Variants in PPFIA2 observed in about 807,000 individuals in gnomAD.
PPFIA2 encodes liprin-alpha-2.
A neutral mutation model predicts 175.5 loss-of-function variants in PPFIA2; 46 were observed. The observed-to-expected ratio is 0.26, with a 90% CI of 0.21 to 0.34. The LOEUF is 0.34. Among genes scored for constraint, PPFIA2 ranks in the 10% least tolerant of loss-of-function variants. The probability of loss-of-function intolerance (pLI) is 1.00; values close to 1 mark genes in which losing one functional copy is unlikely to be tolerated. For synonymous variants in PPFIA2, 568 were observed against 511.4 expected (o/e 1.11, Z -1.49); for missense variants, 1,179 against 1,506.1 (o/e 0.78, Z 3.60).
intron 4 of PPFIA2, among the ~76,000 whole-genome samples, chr12:81,518,603 T>C (rs995845349): frequency 6.6e-6 from 1 of 152,174 alleles, no homozygotes; most frequent in Non-Finnish European, 1.5e-5. Context: ...CAACCCATCA[T>C]GGTAAGCACT....
At chr12:81,741,235 C>A (rs1296369959) in intron 3 of PPFIA2, among the ~76,000 whole-genome samples, 1 of 152,198 alleles carries the variant, frequency 6.6e-6, no homozygotes, top group Non-Finnish European at 1.5e-5. Context: ...AGCATTAATG[C>A]TGGTCTCATA....
intron 23 of PPFIA2, chr12:81,298,007 C>T (rs1236861965): frequency 6.6e-6 from 1 of 152,190 alleles, no homozygotes. Context: ...CACTGTCTGT[C>T]ATCTCCTATC....
At chr12:81,356,959 C>T (rs1595482551) in intron 16 of PPFIA2, among the ~76,000 whole-genome samples, 1 of 152,092 alleles carries the variant, frequency 6.6e-6, no homozygotes, top group Non-Finnish European at 1.5e-5. Context: ...AAGCAATTGA[C>T]CAGTGTTTTT....
At chr12:81,423,212 C>T (rs1023298195) in intron 7 of PPFIA2, among the ~76,000 whole-genome samples, 2 of 152,144 alleles carry the variant, frequency 1.3e-5, no homozygotes, top group Non-Finnish European at 2.9e-5. Flanking sequence ...GATACCAACT[C>T]ATCTTAAGCT....
intron 22 of PPFIA2, among the ~76,000 whole-genome samples, chr12:81,300,643 C>A (rs1277793890): frequency 2.0e-5 from 3 of 152,084 alleles, no homozygotes; most frequent in Non-Finnish European, 4.4e-5. Context: ...GTAAGCTATT[C>A]AGCACCTGGG....
chr12:81,633,510 G>T (rs1439097874), intron 4 of PPFIA2, among the ~76,000 whole-genome samples: 2 of 151,726 alleles, frequency 1.3e-5, no homozygotes, highest in African/African-American at 4.8e-5. Context: ...CAAGACAACT[G>T]CACTATAATC....
chr12:81,642,733 A>ACGTG (rs1344823037), intron 4 of PPFIA2, among the ~76,000 whole-genome samples: 1,048 of 8,114 alleles, frequency 0.13, 395 homozygotes, highest in African/African-American at 0.25. Flanking sequence ...ACATACATGT[A>ACGTG]TATGTATGTA....
chr12:81,344,896 A>C, intron 18 of PPFIA2: 2 of 468,472 alleles, frequency 4.3e-6, no homozygotes, highest in Non-Finnish European at 7.7e-6. Flanking sequence ...CTCAGGTAAC[A>C]TAAGTCAGAT....
At chr12:81,516,682 A>C (rs1389906928) in intron 4 of PPFIA2, among the ~76,000 whole-genome samples, 1 of 152,220 alleles carries the variant, frequency 6.6e-6, no homozygotes, top group Admixed American at 6.5e-5. Flanking sequence ...ATTCTTGCAA[A>C]GAGCCTTCAG....
At chr12:81,525,003 A>G (rs1274275948) in intron 4 of PPFIA2, among the ~76,000 whole-genome samples, 4 of 152,206 alleles carry the variant, frequency 2.6e-5, no homozygotes, top group African/African-American at 9.6e-5. Context: ...AGTCCTTACT[A>G]GACACTGAAT....
rs554495049 is a variant in PPFIA2, at chr12:81,489,525, T to C, written c.304-31659A>G. On this transcript the variant is annotated intron_variant, in intron 4 of 32. Coordinates refer to ENST00000549396, the MANE Select transcript of PPFIA2 (RefSeq NM_003625.5). Reference sequence around the variant, plus strand: ...GAACTGGGAGAAAAAGAATGTAGTTTAAAAAATTAACCTTTTCCCTACTTT... The same window carrying C: ...GAACTGGGAGAAAAAGAATGTAGTTCAAAAAATTAACCTTTTCCCTACTTT... Among the ~76,000 whole-genome samples the C allele has an allele frequency of 9.2e-5, 14 of 152,024 alleles. No homozygotes were observed. The South Asian group carries it at 2.1e-3, about 22-fold the overall frequency.
intron 4 of PPFIA2, among the ~76,000 whole-genome samples, chr12:81,537,695 C>T (rs1363046295): frequency 6.6e-6 from 1 of 151,654 alleles, no homozygotes; most frequent in Non-Finnish European, 1.5e-5. Flanking sequence ...TTTAAGAATC[C>T]CTTCTTCCTA....
At chr12:81,274,872 T>C (rs1452293843) in intron 28 of PPFIA2, among the ~76,000 whole-genome samples, 1 of 152,200 alleles carries the variant, frequency 6.6e-6, no homozygotes, top group Admixed American at 6.5e-5. Flanking sequence ...TGTGTGATCA[T>C]AATGAATCAT....
At chr12:81,481,584 C>A (rs1031630151) in intron 4 of PPFIA2, among the ~76,000 whole-genome samples, 2 of 151,916 alleles carry the variant, frequency 1.3e-5, no homozygotes, top group African/African-American at 4.8e-5. Context: ...CAGAATATGC[C>A]ACACATCTAC....
At chr12:81,658,624 T>C (rs1354176890) in intron 4 of PPFIA2, among the ~76,000 whole-genome samples, 1 of 152,012 alleles carries the variant, frequency 6.6e-6, no homozygotes, top group Non-Finnish European at 1.5e-5. Flanking sequence ...TCAAGAAACC[T>C]GTTCTATTTG....
chr12:81,589,754 T>A (rs1396473704), intron 4 of PPFIA2, among the ~76,000 whole-genome samples: 4 of 152,142 alleles, frequency 2.6e-5, no homozygotes, highest in African/African-American at 9.6e-5. Flanking sequence ...TTTGGGTACC[T>A]TTATGGACCT....
chr12:81,292,001 T>G (rs934377011), intron 24 of PPFIA2, among the ~76,000 whole-genome samples: 8 of 152,142 alleles, frequency 5.3e-5, no homozygotes, highest in Non-Finnish European at 8.8e-5. Context: ...TGTTAATTAA[T>G]ATGGTATAAT....
At position 81,267,728 on chromosome 12, in the gene PPFIA2, A is replaced by ATTT. The variant is rs137975780; in HGVS notation, c.3486+181_3486+183dup. Among the ~76,000 whole-genome samples the ATTT allele has an allele frequency of 8.9e-3, 690 of 77,740 alleles. 7 individuals carry two copies. Among genetic ancestry groups the ATTT allele is most frequent in the African/African-American group, 0.024 (639 of 26,138 alleles). 51.0% of individuals were successfully genotyped at this position (77,740 alleles called of 152,430 possible). A position where few individuals can be genotyped will look rare whatever the true frequency, so the allele number is the denominator to read the frequency against. The stretch of plus-strand genomic sequence containing the variant: ...AATCCCTTTCTTGTTTAATTGTATG[A>ATTT]TTTTTTTTTTTTTTTTTTTGGCTAG... On this transcript the variant is annotated intron_variant, in intron 29 of 32. Coordinates refer to ENST00000549396, the MANE Select transcript of PPFIA2 (RefSeq NM_003625.5).
intron 7 of PPFIA2, among the ~76,000 whole-genome samples, chr12:81,439,166 CCTCTCT>C (rs375429110): frequency 2.7e-5 from 4 of 146,356 alleles, no homozygotes; most frequent in Admixed American, 1.4e-4. Flanking sequence ...TCTCTCTCTC[CCTCTCT>C]CTCTCTCTCT....
Sources: gnomAD v4.1 joint callset for allele counts (sites outside exome capture counted in the v4.1 genomes callset) on GRCh38, gnomAD v4.1.1 for gene constraint, MANE v1.5 for transcripts, NCBI Gene and HGNC (gene_info 2026-07-23, HGNC 2026-07-21) for gene names.